Variants in IQCM observed in about 807,000 individuals in gnomAD.
The protein encoded by IQCM is IQ domain-containing protein M.
Under a neutral mutation model 57.6 loss-of-function variants are expected in IQCM, and 45 were observed. The ratio of observed to expected loss-of-function variants is 0.78; its 90% CI spans 0.62 to 1.00. The LOEUF is 1.00. Among genes scored for constraint, IQCM ranks in the 50% least tolerant of loss-of-function variants. The pLI is 0.00. For synonymous variants in IQCM, 148 were observed against 158.9 expected (o/e 0.93, Z 0.51); for missense variants, 468 against 511.6 (o/e 0.91, Z 0.82).
At chr4:149,569,074 G>A (rs1750910384) in intron 9 of IQCM, among the ~76,000 whole-genome samples, 1 of 152,150 alleles carries the variant, frequency 6.6e-6, no homozygotes, top group Non-Finnish European at 1.5e-5. Context: ...ATGACAATAA[G>A]CCAGCAAATC....
chr4:149,475,781 A>T (rs1349792440), intron 12 of IQCM, among the ~76,000 whole-genome samples: 1 of 152,212 alleles, frequency 6.6e-6, no homozygotes, highest in Non-Finnish European at 1.5e-5. Context: ...CAACTTTGGG[A>T]TATCATGCTG....
intron 9 of IQCM, among the ~76,000 whole-genome samples, chr4:149,582,938 A>G (rs1176395043): frequency 1.3e-5 from 2 of 151,634 alleles, no homozygotes. Flanking sequence ...AAATGGTGAC[A>G]AAGAGAATAC....
chr4:149,439,142 C>T (rs1303716984), intron 12 of IQCM, among the ~76,000 whole-genome samples: 1 of 151,866 alleles, frequency 6.6e-6, no homozygotes, highest in East Asian at 1.9e-4. Flanking sequence ...TTGATACATA[C>T]CTTTATAAAT....
chr4:149,624,394 A>G (rs1220778415), intron 7 of IQCM, among the ~76,000 whole-genome samples: 1 of 152,186 alleles, frequency 6.6e-6, no homozygotes, highest in African/African-American at 2.4e-5. Context: ...TTATAATGGT[A>G]ATCATTTTTC....
At chr4:149,609,418 C>T (rs1207887503) in intron 8 of IQCM, among the ~76,000 whole-genome samples, 1 of 151,738 alleles carries the variant, frequency 6.6e-6, no homozygotes, top group African/African-American at 2.4e-5. Context: ...GATACAAAAA[C>T]CAGACAAAGC....
At chr4:149,653,411 G>A (rs1759367210) in intron 7 of IQCM, among the ~76,000 whole-genome samples, 1 of 152,140 alleles carries the variant, frequency 6.6e-6, no homozygotes, top group Non-Finnish European at 1.5e-5. Context: ...AGGGTCTCAT[G>A]CCTATGAAGC....
chr4:149,619,805 G>C (rs193217917), intron 8 of IQCM, among the ~76,000 whole-genome samples: 1 of 152,130 alleles, frequency 6.6e-6, no homozygotes, highest in Non-Finnish European at 1.5e-5. Flanking sequence ...AAGATTAAAT[G>C]AGGTCATAAG....
At chr4:149,791,646 T>C (rs1772624693) in intron 2 of IQCM, among the ~76,000 whole-genome samples, 1 of 152,158 alleles carries the variant, frequency 6.6e-6, no homozygotes, top group Admixed American at 6.5e-5. Context: ...TGTTTTTTAG[T>C]GTGCATTCTG....
At chr4:149,649,852 C>A (rs1157081262) in intron 7 of IQCM, among the ~76,000 whole-genome samples, 2 of 152,142 alleles carry the variant, frequency 1.3e-5, no homozygotes, top group African/African-American at 4.8e-5. Context: ...TTTTACCCAA[C>A]TTTAAAAATA....
At chr4:149,625,850 G>A (rs191697781) in intron 7 of IQCM, among the ~76,000 whole-genome samples, 5 of 152,192 alleles carry the variant, frequency 3.3e-5, no homozygotes, top group Admixed American at 2.6e-4. Context: ...TTGGGGTATC[G>A]TGTTCTGAGT....
chr4:149,353,792 T>C lies in IQCM; in HGVS notation c.1391-1726A>G, dbSNP rs377685402. 6.4e-4 allele frequency among the ~76,000 whole-genome samples: 97 copies of C among 151,702 alleles called. 2 individuals carry two copies. The highest frequency in any genetic ancestry group is 2.0e-3 in the African/African-American group (83 of 41,320). ...CTAGAGGTGGAGGATGGAGAGGAAATGGGGGAAAGTAGCTCAGGGATCACA... is the reference window on the plus strand; with the variant it reads ...CTAGAGGTGGAGGATGGAGAGGAAACGGGGGAAAGTAGCTCAGGGATCACA... On this transcript the variant is annotated intron_variant, in intron 13 of 13. Coordinates refer to ENST00000636793, the MANE Select transcript of IQCM (RefSeq NM_001363507.2).
intron 12 of IQCM, among the ~76,000 whole-genome samples, chr4:149,439,204 A>G (rs968595501): frequency 3.4e-4 from 52 of 152,080 alleles, no homozygotes; most frequent in Non-Finnish European, 5.9e-5. Flanking sequence ...CAGCTATTTA[A>G]TTGTTCAATA....
chr4:149,635,188 T>C (rs1465926566), intron 7 of IQCM, among the ~76,000 whole-genome samples: 3 of 152,164 alleles, frequency 2.0e-5, no homozygotes, highest in Admixed American at 6.5e-5. Flanking sequence ...AAAGAAAGAA[T>C]GGAACTGCAT....
At chr4:149,473,175 A>G (rs1016639158) in intron 12 of IQCM, among the ~76,000 whole-genome samples, 1 of 152,232 alleles carries the variant, frequency 6.6e-6, no homozygotes, top group African/African-American at 2.4e-5. Flanking sequence ...CTACCATCAG[A>G]GTGAACAGGC....
intron 12 of IQCM, among the ~76,000 whole-genome samples, chr4:149,487,458 C>A (rs1423549410): frequency 6.6e-6 from 1 of 152,164 alleles, no homozygotes; most frequent in East Asian, 1.9e-4. Context: ...TCACGTGCCA[C>A]CTTAGTCCAC....
intron 12 of IQCM, among the ~76,000 whole-genome samples, chr4:149,476,577 G>C (rs1368690476): frequency 6.6e-6 from 1 of 151,994 alleles, no homozygotes. Flanking sequence ...AAAAGTAATA[G>C]AAGTTTGTAT....
At chr4:149,469,302 A>G (rs967723058) in intron 12 of IQCM, among the ~76,000 whole-genome samples, 2 of 152,256 alleles carry the variant, frequency 1.3e-5, no homozygotes, top group East Asian at 1.9e-4. Context: ...GCTGAAAACC[A>G]TGGCACAAGA....
chr4:149,419,462 C>A (rs1733975033), intron 13 of IQCM, among the ~76,000 whole-genome samples: 1 of 152,046 alleles, frequency 6.6e-6, no homozygotes, highest in Admixed American at 6.6e-5. Context: ...AAACTGGATG[C>A]CTTCCTTACA....
intron 2 of IQCM, among the ~76,000 whole-genome samples, chr4:149,784,709 C>T (rs1481738545): frequency 1.3e-5 from 2 of 152,040 alleles, no homozygotes; most frequent in African/African-American, 4.8e-5. Context: ...CCACCGCGCC[C>T]GGCCTGAAAA....
Sources: allele counts gnomAD v4.1 joint callset (sites outside exome capture counted in the v4.1 genomes callset), GRCh38; gene constraint gnomAD v4.1.1; transcripts MANE v1.5; gene names NCBI Gene and HGNC (gene_info 2026-07-23, HGNC 2026-07-21).